SH2D4A: variants seen among roughly 807,000 people sequenced by gnomAD.
SH2D4A encodes SH2 domain-containing protein 4A.
In SH2D4A, 70 loss-of-function variants were observed where a neutral mutation model predicts 64.7. The ratio of observed to expected loss-of-function variants is 1.08; its 90% CI spans 0.89 to 1.32. The LOEUF (loss-of-function observed/expected upper bound fraction) is 1.32. SH2D4A is among the 40% of genes most tolerant of loss of function. SH2D4A has a pLI of 0.00. For missense variants in SH2D4A, 706 were observed against 540.1 expected (o/e 1.31, Z -3.04); for synonymous variants, 268 against 200.7 (o/e 1.34, Z -2.83).
Position 19,316,650 on chromosome 8 carries a change from G to A in SH2D4A, c.-204-2694G>A, listed in dbSNP as rs115612136. Among the ~76,000 whole-genome samples the A allele has an allele frequency of 2.0e-5, 3 of 152,190 alleles. No homozygotes were observed. In the East Asian group the frequency reaches 5.8e-4, roughly 29 times the overall value. On this transcript the variant is annotated intron_variant, in intron 1 of 9. Coordinates refer to ENST00000265807, the MANE Select transcript of SH2D4A (RefSeq NM_022071.4). The stretch of plus-strand genomic sequence containing the variant: ...CAAGCACCATCAGTTCAGCGTTTCT[G>A]TTGCTGCAGGAATTTGCTGGCTTCC...
chr8:19,372,130 T>C (rs1563206365), intron 7 of SH2D4A, among the ~76,000 whole-genome samples: 1 of 152,230 alleles, frequency 6.6e-6, no homozygotes, highest in Non-Finnish European at 1.5e-5. Context: ...ATTAGGCTTT[T>C]ATTCCACTCT....
At chr8:19,351,374 C>T (rs370809553) in intron 4 of SH2D4A, among the ~76,000 whole-genome samples, 13 of 152,170 alleles carry the variant, frequency 8.5e-5, no homozygotes, top group Admixed American at 3.9e-4. Flanking sequence ...GAGGCCGAGG[C>T]GGGTGGATCA....
chr8:19,386,572 C>T (rs1231826881), intron 8 of SH2D4A, among the ~76,000 whole-genome samples: 3 of 152,106 alleles, frequency 2.0e-5, no homozygotes, highest in Non-Finnish European at 4.4e-5. Flanking sequence ...CAGGACTGGA[C>T]CCTTGTAGTT....
intron 7 of SH2D4A, among the ~76,000 whole-genome samples, chr8:19,370,987 A>G (rs1191884266): frequency 6.6e-6 from 1 of 152,160 alleles, no homozygotes; most frequent in African/African-American, 2.4e-5. Flanking sequence ...GAAAGAAACA[A>G]AAAAACTGTA....
chr8:19,335,800 A>C (rs1227593407), intron 4 of SH2D4A, among the ~76,000 whole-genome samples: 1 of 152,194 alleles, frequency 6.6e-6, no homozygotes, highest in Non-Finnish European at 1.5e-5. Flanking sequence ...GAATTCTCTT[A>C]TGGTTCAGAT....
At chr8:19,333,341 G>T (rs1266705183) in intron 3 of SH2D4A, among the ~76,000 whole-genome samples, 1 of 152,100 alleles carries the variant, frequency 6.6e-6, no homozygotes, top group African/African-American at 2.4e-5. Context: ...GTCTTTGATA[G>T]CACTAAAGAC....
intron 7 of SH2D4A, among the ~76,000 whole-genome samples, chr8:19,367,264 A>T (rs1448678214): frequency 6.6e-6 from 1 of 152,132 alleles, no homozygotes; most frequent in Admixed American, 6.6e-5. Flanking sequence ...TTTGACGTAG[A>T]CCCAGTAGTG....
rs950838524 is a variant in SH2D4A at position 19,337,170 on chromosome 8, G to T, written c.513+2313G>T. Among the ~76,000 whole-genome samples the T allele has an allele frequency of 3.3e-5, 5 of 152,216 alleles. No homozygotes were observed. The East Asian group carries it at 9.7e-4, about 29-fold the overall frequency. On this transcript the variant is annotated intron_variant, in intron 4 of 9. Coordinates refer to ENST00000265807, the MANE Select transcript of SH2D4A (RefSeq NM_022071.4). ...ATATTCCTGCTTTTTATCTTTCCCT[G>T]TGTCAGAGAAGATGCTGTCAGGGGC...
chr8:19,385,587 T>C (rs928650554), intron 8 of SH2D4A, among the ~76,000 whole-genome samples: 5 of 152,218 alleles, frequency 3.3e-5, no homozygotes, highest in Non-Finnish European at 4.4e-5. Context: ...GGAGGTATTC[T>C]CTGGAATTGT....
chr8:19,373,343 T>C (rs554301445), intron 7 of SH2D4A, among the ~76,000 whole-genome samples, 187 bp from the exon 8 acceptor site: 2 of 138,092 alleles, frequency 1.4e-5, no homozygotes, highest in Non-Finnish European at 3.1e-5. Flanking sequence ...CACACACACA[T>C]GTGTATATAT....
chr8:19,384,538 C>G (rs749177872), intron 8 of SH2D4A, among the ~76,000 whole-genome samples: 2 of 152,144 alleles, frequency 1.3e-5, no homozygotes, highest in Non-Finnish European at 2.9e-5. Flanking sequence ...CATCTGATAG[C>G]CAGATTCCAA....
rs201387983 is a variant in SH2D4A, at chr8:19,364,152, G to C, written c.787G>C (p.Gly263Arg). ...AGAAGACTACAAGAGGTTATCCCTC[G>C]GGGCCCAGAAAGGAAGAGGCGGTGA... ...AREDYKRLSLGAQKGRGGERL... is the reference protein window; with the variant it reads ...AREDYKRLSLRAQKGRGGERL... The change falls in exon 7 of 10, where the codon GGG (glycine) becomes CGG (arginine). Residue 263 changes from glycine (G) to arginine (R), a missense_variant. Gly to Arg is a moderately radical substitution (Grantham distance 125). Transcript: ENST00000265807. 2.5e-6 allele frequency: 4 copies of C among 1,613,920 alleles called. No individual in the cohort carries two copies. In the African/African-American group the frequency reaches 4.0e-5, roughly 16 times the overall value.
Position 19,341,586 on chromosome 8 carries a change from T to C in SH2D4A, c.513+6729T>C, listed in dbSNP as rs375520675. On this transcript the variant is annotated intron_variant, in intron 4 of 9. Transcript: ENST00000265807. ...GTCCAGGTGCTGTGACTCACATCTG[T>C]AATGCCTGCACTTTGGGAGGCCGAG... Among the ~76,000 whole-genome samples the C allele has an allele frequency of 2.6e-5, 4 of 152,292 alleles. No homozygotes were observed. In the South Asian group the frequency reaches 6.2e-4, roughly 24 times the overall value.
At chr8:19,394,516 T>C (rs1341820649) in intron 9 of SH2D4A, 34 bp from the exon 10 acceptor site, 3 of 1,505,566 alleles carry the variant, frequency 2.0e-6, no homozygotes, top group East Asian at 2.3e-5. Context: ...GGTCACTACT[T>C]ACACTATCTG....
At chr8:19,389,213 T>G (rs2053442131) in intron 8 of SH2D4A, among the ~76,000 whole-genome samples, 1 of 152,198 alleles carries the variant, frequency 6.6e-6, no homozygotes, top group South Asian at 2.1e-4. Context: ...CCACTTGGAT[T>G]TCCAACCAGA....
chr8:19,391,023 C>T (rs2053484040), intron 8 of SH2D4A, among the ~76,000 whole-genome samples: 2 of 152,132 alleles, frequency 1.3e-5, no homozygotes, highest in Admixed American at 1.3e-4. Flanking sequence ...AGCCGTCAGC[C>T]TAGGAGGAGG....
chr8:19,362,443 C>T (rs895978301), intron 6 of SH2D4A, among the ~76,000 whole-genome samples: 15 of 152,054 alleles, frequency 9.9e-5, no homozygotes, highest in South Asian at 6.2e-4. Flanking sequence ...AACGATGGGT[C>T]GCATATAGTT....
intron 7 of SH2D4A, among the ~76,000 whole-genome samples, chr8:19,364,716 T>G (rs2052960945): frequency 6.6e-6 from 1 of 152,182 alleles, no homozygotes; most frequent in Non-Finnish European, 1.5e-5. Flanking sequence ...TTGCTGACTT[T>G]CGTGTGATCA....
At chr8:19,390,997 C>G (rs1289472908) in intron 8 of SH2D4A, among the ~76,000 whole-genome samples, 1 of 152,130 alleles carries the variant, frequency 6.6e-6, no homozygotes, top group African/African-American at 2.4e-5. Context: ...TTGAAACAGC[C>G]TGGAATTTCA....
Sources: allele counts gnomAD v4.1 joint callset (sites outside exome capture counted in the v4.1 genomes callset), GRCh38; gene constraint gnomAD v4.1.1; transcripts MANE v1.5; gene names NCBI Gene and HGNC (gene_info 2026-07-23, HGNC 2026-07-21).